PHYHD1: variants seen among roughly 807,000 people sequenced by gnomAD.
PHYHD1 encodes the protein phytanoyl-CoA dioxygenase domain-containing protein 1.
A neutral mutation model predicts 43.6 loss-of-function variants in PHYHD1; 42 were observed. That is an observed-to-expected ratio of 0.96 (90% CI 0.75 to 1.25). The LOEUF is 1.25. Ranked by LOEUF, PHYHD1 falls within the 50% of genes most tolerant of loss-of-function variation. PHYHD1 has a pLI of 0.00. For synonymous variants in PHYHD1, 139 were observed against 143.6 expected, an observed-to-expected ratio of 0.97 and a Z score of 0.23; for missense variants, 342 against 370.8, an observed-to-expected ratio of 0.92 and a Z score of 0.64.
At chr9:128,935,615 G>A (rs1386777289) in intron 6 of PHYHD1, among the ~76,000 whole-genome samples, 2 of 126,828 alleles carry the variant, frequency 1.6e-5, no homozygotes, top group African/African-American at 3.0e-5. Context: ...TTTAAAGTAC[G>A]TAGCTTGGCC....
At chr9:128,922,656 G>A (rs1008260406) in intron 3 of PHYHD1, among the ~76,000 whole-genome samples, 3 of 152,234 alleles carry the variant, frequency 2.0e-5, no homozygotes, top group African/African-American at 4.8e-5. Flanking sequence ...CTGTTGGGGG[G>A]CGCAGCGCCC....
chr9:128,924,535 C>A (rs1309339412), intron 3 of PHYHD1, among the ~76,000 whole-genome samples: 10 of 151,492 alleles, frequency 6.6e-5, no homozygotes, highest in Admixed American at 5.9e-4. Context: ...TTGATTGAGC[C>A]CAGAAGTTCA....
Position 128,941,514 on chromosome 9 carries a change from A to G in PHYHD1, c.773A>G (p.Gln258Arg), listed in dbSNP as rs775014299. 4 of 1,613,964 alleles carry G rather than the reference A, an allele frequency of 2.5e-6. No individual in the cohort carries two copies. Among genetic ancestry groups the G allele is most frequent in the Non-Finnish European group, 2.5e-6 (3 of 1,180,026 alleles). ...CAGAACCTCTCTGACCGCTCGCGCC[A>G]GGCCTACACTTTCCACCTCATGGAG... ...SKQNLSDRSR[Q>R]AYTFHLMEAS... is the part of the protein sequence containing the mutation. Residue 258 changes from glutamine (Q) to arginine (R), a missense_variant, in exon 12 of 13, where the codon CAG becomes CGG. Coordinates refer to ENST00000372592, the MANE Select transcript of PHYHD1 (RefSeq NM_001100876.2).
chr9:128,933,629 C>T, intron 4 of PHYHD1, 153 bp from the exon 5 acceptor site: 4 of 801,976 alleles, frequency 5.0e-6, no homozygotes, highest in Non-Finnish European at 8.8e-6. Context: ...AGTTCTGGCT[C>T]ACTGTCTGTG....
intron 6 of PHYHD1, 26 bp downstream of exon 6, chr9:128,934,084 AAAG>A (rs1196580776): frequency 2.5e-6 from 4 of 1,609,338 alleles, no homozygotes; most frequent in Admixed American, 1.7e-5. Context: ...GGGGTACAGG[AAAG>A]AAGATCGGGG....
intron 3 of PHYHD1, among the ~76,000 whole-genome samples, chr9:128,925,632 A>G (rs1841113926): frequency 6.6e-6 from 1 of 152,068 alleles, no homozygotes; most frequent in Non-Finnish European, 1.5e-5. Context: ...CCTCAGAATA[A>G]GAGGACCAGA....
chr9:128,922,249 C>A, intron 2 of PHYHD1, 34 bp from the exon 3 acceptor site: 1 of 1,536,754 alleles, frequency 6.5e-7, no homozygotes, highest in Non-Finnish European at 8.8e-7. Context: ...GGGTTAAGTC[C>A]TCCCAGGCTC....
At chr9:128,927,784 TCC>T (rs1216067472) in intron 4 of PHYHD1, among the ~76,000 whole-genome samples, 1 of 152,258 alleles carries the variant, frequency 6.6e-6, no homozygotes, top group African/African-American at 2.4e-5. Context: ...TCCCTGCTGT[TCC>T]CAGCTTGGCT....
chr9:128,922,102 T>A, intron 2 of PHYHD1, 55 bp downstream of exon 2: 1 of 552,702 alleles, frequency 1.8e-6, no homozygotes, highest in Non-Finnish European at 3.2e-6. Context: ...GCAGATAAAA[T>A]CCTTGGAGAT....
At chr9:128,941,003 G>A (rs1841546854) in intron 11 of PHYHD1, among the ~76,000 whole-genome samples, 1 of 152,234 alleles carries the variant, frequency 6.6e-6, no homozygotes, top group Non-Finnish European at 1.5e-5. Flanking sequence ...TGGAAAGTCA[G>A]TGAGATGATA....
rs550486293 is a variant in PHYHD1, at chr9:128,941,591, T to G, written c.830+20T>G. On this transcript the variant is annotated intron_variant, in intron 12 of 12. Transcript: ENST00000372592. The stretch of plus-strand genomic sequence containing the variant: ...GAACTGGTAGGTGACAGGGTGGGTG[T>G]GTGTGCCCGACAGTCCCCTGGAGGC... The G allele has an allele frequency of 1.9e-5, 30 of 1,614,072 alleles. No individual in the cohort carries two copies. In the South Asian group the frequency reaches 2.9e-4, roughly 15 times the overall value.
At chr9:128,928,074 G>T (rs1001506845) in intron 4 of PHYHD1, among the ~76,000 whole-genome samples, 14 of 152,260 alleles carry the variant, frequency 9.2e-5, no homozygotes, top group Non-Finnish European at 4.4e-5. Flanking sequence ...TGGGCCAGGT[G>T]AGATCCTGGC....
At position 128,936,308 on chromosome 9, in the gene PHYHD1, C is replaced by T. The variant is rs184399775; in HGVS notation, c.317-140C>T. On this transcript the variant is annotated intron_variant, in intron 6 of 12. Transcript: ENST00000372592. ...CAAGGCTCCTGTGGAGCCCATTACT[C>T]AGTTGTAAACAAGCAGAAGGGTTAA... The T allele has an allele frequency of 1.9e-5, 22 of 1,166,820 alleles. No homozygotes were observed. The Admixed American group carries it at 4.6e-4, about 24-fold the overall frequency. 72.3% of individuals were successfully genotyped at this position (1,166,820 alleles called of 1,614,324 possible).
chr9:128,937,406 C>G (rs1341008759), intron 8 of PHYHD1, among the ~76,000 whole-genome samples: 1 of 152,294 alleles, frequency 6.6e-6, no homozygotes, highest in Middle Eastern at 3.4e-3. Flanking sequence ...TTCTAAGAAG[C>G]CTTCCAGAAC....
chr9:128,941,355 A>C, intron 11 of PHYHD1, 90 bp from the exon 12 acceptor site: 3 of 1,538,166 alleles, frequency 2.0e-6, no homozygotes, highest in Admixed American at 1.8e-5. Context: ...CCACAAAACC[A>C]CTGGAAGGAG....
In PHYHD1 at chr9:128,939,492, T is replaced by C. The variant is rs547396898; in HGVS notation, c.458-877T>C. On this transcript the variant is annotated intron_variant, in intron 9 of 12. Transcript: ENST00000372592. ...TACTAGGGAGGCTGAAGCAGGAGAA[T>C]CACTTGAATCCGGGAGGCGGAGGTT... Among the ~76,000 whole-genome samples, 32 of 117,562 alleles carry C rather than the reference T, an allele frequency of 2.7e-4. 1 individual carries two copies. The highest frequency in any genetic ancestry group is 8.6e-4 in the African/African-American group (32 of 37,150). 77.1% of individuals were successfully genotyped at this position (117,562 alleles called of 152,430 possible). A position where few individuals can be genotyped will look rare whatever the true frequency, so the allele number is the denominator to read the frequency against.
intron 4 of PHYHD1, among the ~76,000 whole-genome samples, chr9:128,928,560 G>A (rs1290224805): frequency 6.6e-6 from 1 of 152,068 alleles, no homozygotes; most frequent in Non-Finnish European, 1.5e-5. Flanking sequence ...AAAATTAGCT[G>A]GGCCAGGTGA....
intron 1 of PHYHD1, 106 bp downstream of exon 1, chr9:128,921,774 C>T (rs1206408392): frequency 6.5e-6 from 1 of 152,714 alleles, no homozygotes; most frequent in Non-Finnish European, 1.5e-5. Flanking sequence ...TAATTCCCTT[C>T]CATAATCCTC....
In PHYHD1 at chr9:128,933,770, CCCTT is replaced by C; in HGVS notation, c.193-11_193-8del. The C allele has an allele frequency of 6.2e-7, 1 of 1,613,384 alleles. No individual in the cohort carries two copies. Among genetic ancestry groups the C allele is most frequent in the Non-Finnish European group, 8.5e-7 (1 of 1,179,348 alleles). On this transcript the variant is annotated splice_polypyrimidine_tract_variant and splice_region_variant and intron_variant, in intron 4 of 12. Transcript: ENST00000372592. ...GATGCTGTCTCAGTCCTCTGATGTC[CCCTT>C]TCCACAGGGCAGCACAGACTATTTC... is the stretch of plus-strand genomic sequence containing the variant.
Sources: gnomAD v4.1 joint callset for allele counts (sites outside exome capture counted in the v4.1 genomes callset) on GRCh38, gnomAD v4.1.1 for gene constraint, MANE v1.5 for transcripts, NCBI Gene and HGNC (gene_info 2026-07-23, HGNC 2026-07-21) for gene names.